The following TRAM1 variants were observed in gnomAD, a reference collection of about 807,000 sequenced individuals.
TRAM1 encodes translocating chain-associated membrane protein 1.
TRAM1 carries 17 observed loss-of-function variants against 48.7 expected under a neutral mutation model. That is an observed-to-expected ratio of 0.35 (90% confidence interval 0.24 to 0.52). The LOEUF is 0.52. TRAM1 is among the 20% of genes least tolerant of loss of function. The pLI is 0.94. For synonymous variants in TRAM1, 182 were observed against 154.0 expected (o/e 1.18, Z -1.34); for missense variants, 351 against 441.5 (o/e 0.79, Z 1.84).
intron 10 of TRAM1, among the ~76,000 whole-genome samples, chr8:70,576,080 G>GA (rs1554532119): frequency 0.022 from 1,777 of 81,024 alleles, 45 homozygotes; most frequent in African/African-American, 0.067. Flanking sequence ...AAAAAAAAAA[G>GA]AAAAAAAAAA....
intron 6 of TRAM1, among the ~76,000 whole-genome samples, chr8:70,588,294 T>C (rs558006488): frequency 2.6e-5 from 4 of 151,600 alleles, no homozygotes; most frequent in Non-Finnish European, 5.9e-5. Context: ...TGAAATAAAA[T>C]AGAAAATGTG....
chr8:70,584,442 G>T (rs1354519842), intron 8 of TRAM1, among the ~76,000 whole-genome samples: 1 of 152,158 alleles, frequency 6.6e-6, no homozygotes, highest in African/African-American at 2.4e-5. Context: ...GGGCAATTAG[G>T]CAGGAGAAGG....
At chr8:70,579,837 G>GT (rs1011823777) in intron 10 of TRAM1, among the ~76,000 whole-genome samples, 2 of 152,106 alleles carry the variant, frequency 1.3e-5, no homozygotes, top group African/African-American at 4.8e-5. Context: ...CCTAGCTAGT[G>GT]TAATACAGGA....
chr8:70,589,258 C>T (rs1165415943), intron 6 of TRAM1, among the ~76,000 whole-genome samples: 13 of 152,154 alleles, frequency 8.5e-5, no homozygotes, highest in Non-Finnish European at 2.9e-5. Context: ...TGAAAATAGA[C>T]GGTCTTAAGA....
chr8:70,574,814 A>G lies in TRAM1; in HGVS notation c.*118T>C. 1.3e-6 allele frequency: 1 copy of G among 748,234 alleles called. No individual in the cohort carries two copies. The highest frequency in any genetic ancestry group is 2.8e-5 in the East Asian group (1 of 35,648). The allele number at this position is 748,234 out of a possible 1,614,324, so 46.3% of individuals were successfully genotyped here. A position where few individuals can be genotyped will look rare whatever the true frequency, so the allele number is the denominator to read the frequency against. On this transcript the variant is annotated 3_prime_UTR_variant, in exon 11 of 11. Transcript: ENST00000262213. ...TTTAAAAAAATGCATGAAACCGTAC[A>G]ATAGCAAAAATCAAAGAGCACAGAC... is the stretch of plus-strand genomic sequence containing the variant.
chr8:70,580,979 C>G (rs1186387378), intron 10 of TRAM1, among the ~76,000 whole-genome samples: 1 of 152,144 alleles, frequency 6.6e-6, no homozygotes, highest in African/African-American at 2.4e-5. Context: ...ATTAAAAGAT[C>G]TAAATAAACA....
At chr8:70,583,364 A>C in intron 9 of TRAM1, 40 bp from the exon 10 acceptor site, 1 of 1,585,888 alleles carries the variant, frequency 6.3e-7, no homozygotes, top group Non-Finnish European at 8.6e-7. Flanking sequence ...TGTATAAAAA[A>C]CAATGCCACT....
intron 6 of TRAM1, among the ~76,000 whole-genome samples, chr8:70,591,887 T>C (rs1817372509): frequency 6.6e-6 from 1 of 152,120 alleles, no homozygotes; most frequent in Admixed American, 6.6e-5. Context: ...AGACAGAAGA[T>C]GACGTCATGA....
intron 4 of TRAM1, among the ~76,000 whole-genome samples, chr8:70,597,158 T>C (rs1817505278): frequency 6.6e-6 from 1 of 152,206 alleles, no homozygotes; most frequent in South Asian, 2.1e-4. Context: ...ATTTAAGGGA[T>C]TGTTATCACT....
intron 10 of TRAM1, among the ~76,000 whole-genome samples, chr8:70,577,183 CGAGGGGGGCT>C (rs1816974346): frequency 1.3e-5 from 2 of 152,244 alleles, no homozygotes; most frequent in Admixed American, 6.5e-5. Flanking sequence ...AGAGGGAGGC[CGAGGGGGGCT>C]GAGGGCAGCT....
intron 1 of TRAM1, among the ~76,000 whole-genome samples, chr8:70,602,067 C>T (rs1294411702): frequency 2.0e-5 from 3 of 151,896 alleles, no homozygotes; most frequent in South Asian, 2.1e-4. Flanking sequence ...GTTAGAGAGA[C>T]AGAGAAAGAA....
rs1041808375 is a variant in TRAM1, at chr8:70,603,303, T to TATACACACACACACAC, written c.124-3222_124-3221insGTGTGTGTGTGTGTAT. Among the ~76,000 whole-genome samples the TATACACACACACACAC allele has an allele frequency of 3.1e-3, 471 of 150,058 alleles. 4 individuals carry two copies. Among genetic ancestry groups the TATACACACACACACAC allele is most frequent in the Admixed American group, 3.7e-3 (55 of 14,994 alleles). ...ATATACACACTATATATATGTTTTA[T>TATACACACACACACAC]ACACACACACACACACACACACACA... On this transcript the variant is annotated intron_variant, in intron 1 of 10. Transcript: ENST00000262213.
Position 70,583,295 on chromosome 8 carries a change from G to A in TRAM1, c.920C>T (p.Thr307Ile), listed in dbSNP as rs1168698701. 6.2e-7 allele frequency: 1 copy of A among 1,613,768 alleles called. No homozygotes were observed. Among genetic ancestry groups the A allele is most frequent in the Admixed American group, 1.7e-5 (1 of 59,894 alleles). The change falls in exon 10 of 11, where the codon ACT becomes ATT. Residue 307 changes from threonine (T) to isoleucine (I), a missense_variant. By Grantham distance (89) the Thr-to-Ile change is moderately conservative. Transcript: ENST00000262213. Reference sequence around the variant, plus strand: ...GAACTTCCACATCATAAATGCCTGAGTAACGCAAATGGATGCCAGAACAGC... The same window carrying A: ...GAACTTCCACATCATAAATGCCTGAATAACGCAAATGGATGCCAGAACAGC... ...RIAVLASICVTQAFMMWKFIN... is the reference protein window; with the variant it reads ...RIAVLASICVIQAFMMWKFIN...
chr8:70,576,470 C>T (rs1207615857), intron 10 of TRAM1, among the ~76,000 whole-genome samples: 1 of 152,162 alleles, frequency 6.6e-6, no homozygotes, highest in Non-Finnish European at 1.5e-5. Context: ...TAATTTTATG[C>T]CGATGTATTT....
At chr8:70,576,542 TAAGA>T (rs1409266137) in intron 10 of TRAM1, among the ~76,000 whole-genome samples, 1 of 152,228 alleles carries the variant, frequency 6.6e-6, no homozygotes, top group Non-Finnish European at 1.5e-5. Context: ...GAGAAACGAC[TAAGA>T]AACAGAAAAT....
At position 70,575,380 on chromosome 8, in the gene TRAM1, TC is replaced by T. The variant is rs561991746; in HGVS notation, c.1052-376del. Among the ~76,000 whole-genome samples, 65 of 152,322 alleles carry T rather than the reference TC, an allele frequency of 4.3e-4. 1 individual carries two copies. Among genetic ancestry groups the T allele is most frequent in the Admixed American group, 4.0e-3 (61 of 15,302 alleles). On this transcript the variant is annotated intron_variant, in intron 10 of 10. Transcript: ENST00000262213. ...AGTAAAGTTGGTGTTTAGGATAATT[TC>T]TATGTGGAGGCGTGTATTATGGCCT... is the stretch of plus-strand genomic sequence containing the variant.
At chr8:70,603,056 TGAA>T (rs2132046551) in intron 1 of TRAM1, among the ~76,000 whole-genome samples, 1 of 152,200 alleles carries the variant, frequency 6.6e-6, no homozygotes, top group Admixed American at 6.5e-5. Flanking sequence ...GGGTTAGATA[TGAA>T]GGTCTCTTGA....
At position 70,608,070 on chromosome 8, in the gene TRAM1, G is replaced by C; in HGVS notation, c.123+7C>G. On this transcript the variant is annotated splice_region_variant and intron_variant, in intron 1 of 10. Transcript: ENST00000262213. Reference sequence around the variant, plus strand: ...GGGCAGGCGGTTGGGACTCGGGGCGGGCTCACCTCAAACATGAGCCCCAGC... The same window carrying C: ...GGGCAGGCGGTTGGGACTCGGGGCGCGCTCACCTCAAACATGAGCCCCAGC... 1 of 1,591,912 alleles carries C rather than the reference G, an allele frequency of 6.3e-7. No homozygotes were observed. The highest frequency in any genetic ancestry group is 8.5e-7 in the Non-Finnish European group (1 of 1,170,682).
chr8:70,605,706 T>C (rs746864118), intron 1 of TRAM1, among the ~76,000 whole-genome samples: 10 of 152,206 alleles, frequency 6.6e-5, no homozygotes, highest in Non-Finnish European at 1.0e-4. Context: ...CCTTAATATA[T>C]GGTAAGAAAA....
Sources: allele counts gnomAD v4.1 joint callset (sites outside exome capture counted in the v4.1 genomes callset), GRCh38; gene constraint gnomAD v4.1.1; transcripts MANE v1.5; gene names NCBI Gene and HGNC (gene_info 2026-07-23, HGNC 2026-07-21).